Variants in GRIA1 observed in about 807,000 individuals in gnomAD.
GRIA1 encodes the protein glutamate ionotropic receptor AMPA type subunit 1.
GRIA1 carries 31 observed loss-of-function variants against 99.2 expected under a neutral mutation model. The observed-to-expected ratio is 0.31, with a 90% CI of 0.23 to 0.42. GRIA1 has a LOEUF of 0.42. Ranked by LOEUF, GRIA1 falls within the 10% of genes least tolerant of loss-of-function variation. The probability of loss-of-function intolerance (pLI) is 1.00; values close to 1 mark genes in which losing one functional copy is unlikely to be tolerated. For missense variants in GRIA1, 782 were observed against 1,157.5 expected (o/e 0.68, Z 4.71); for synonymous variants, 438 against 432.4 (o/e 1.01, Z -0.16).
intron 2 of GRIA1, among the ~76,000 whole-genome samples, chr5:153,638,173 T>C (rs1753522896): frequency 6.6e-6 from 1 of 152,190 alleles, no homozygotes; most frequent in Admixed American, 6.5e-5. Flanking sequence ...ATGGGAACCC[T>C]TCAAAGGGAT....
At chr5:153,601,421 T>C (rs2149398119) in intron 2 of GRIA1, among the ~76,000 whole-genome samples, 1 of 152,378 alleles carries the variant, frequency 6.6e-6, no homozygotes, top group African/African-American at 2.4e-5. Context: ...TGCTGTTTTA[T>C]AATCTCACTG....
At chr5:153,617,735 C>A (rs1006813993) in intron 2 of GRIA1, among the ~76,000 whole-genome samples, 1 of 152,174 alleles carries the variant, frequency 6.6e-6, no homozygotes, top group Non-Finnish European at 1.5e-5. Flanking sequence ...TTTATTATGA[C>A]CAACTAAAAA....
intron 11 of GRIA1, among the ~76,000 whole-genome samples, chr5:153,745,633 G>A (rs1762107046): frequency 6.7e-6 from 1 of 148,826 alleles, no homozygotes; most frequent in East Asian, 2.0e-4. Context: ...AGAAATTATA[G>A]GTATTCACTC....
chr5:153,578,922 A>G (rs942116068), intron 2 of GRIA1, among the ~76,000 whole-genome samples: 1 of 152,224 alleles, frequency 6.6e-6, no homozygotes, highest in East Asian at 1.9e-4. Context: ...ATAAATAAAT[A>G]AATAAATAAA....
At chr5:153,766,524 TG>T (rs1763528771) in intron 12 of GRIA1, among the ~76,000 whole-genome samples, 1 of 152,198 alleles carries the variant, frequency 6.6e-6, no homozygotes, top group South Asian at 2.1e-4. Flanking sequence ...AAGAGGTATT[TG>T]TGGCAGCCAC....
intron 2 of GRIA1, among the ~76,000 whole-genome samples, chr5:153,529,361 C>G (rs954638186): frequency 6.6e-5 from 10 of 152,154 alleles, no homozygotes; most frequent in Admixed American, 3.9e-4. Flanking sequence ...TTAAGGGACT[C>G]AGGTTCACAT....
At chr5:153,509,612 C>T (rs1755862080) in intron 2 of GRIA1, among the ~76,000 whole-genome samples, 3 of 152,106 alleles carry the variant, frequency 2.0e-5, no homozygotes, top group South Asian at 4.1e-4. Context: ...ATTTCCAGGG[C>T]AATACAATGG....
chr5:153,712,145 G>A lies in GRIA1; in HGVS notation c.1823+6078G>A, dbSNP rs528712972. Among the ~76,000 whole-genome samples, 12 of 152,198 alleles carry A rather than the reference G, an allele frequency of 7.9e-5. 1 individual carries two copies. The highest frequency in any genetic ancestry group is 2.4e-4 in the African/African-American group (10 of 41,530). ...CGGTTCACTGTAACCTCCACCTCCC[G>A]GGTTCAAGCAATTCTCATGCCTCAG... is the stretch of plus-strand genomic sequence containing the variant. On this transcript the variant is annotated intron_variant, in intron 11 of 15. Transcript: ENST00000285900.
chr5:153,705,345 G>T (rs1323941228), intron 10 of GRIA1, among the ~76,000 whole-genome samples: 1 of 152,154 alleles, frequency 6.6e-6, no homozygotes, highest in Non-Finnish European at 1.5e-5. Flanking sequence ...CAACCTGCAG[G>T]ATTGAGAGTG....
intron 2 of GRIA1, chr5:153,558,122 T>C (rs556626078): frequency 6.6e-6 from 1 of 152,324 alleles, no homozygotes; most frequent in South Asian, 2.1e-4. Context: ...TACATTACTA[T>C]GGCCAAGATA....
At chr5:153,649,440 T>TTTATTTATTTATTTAGTTAG (rs1554108110) in intron 3 of GRIA1, among the ~76,000 whole-genome samples, 1 of 146,798 alleles carries the variant, frequency 6.8e-6, no homozygotes, top group Admixed American at 6.7e-5. Context: ...TATTTATTTA[T>TTTATTTATTTATTTAGTTAG]TTAGTTAGTT....
intron 11 of GRIA1, among the ~76,000 whole-genome samples, chr5:153,760,595 A>G (rs1763116878): frequency 6.6e-6 from 1 of 152,158 alleles, no homozygotes; most frequent in South Asian, 2.1e-4. Context: ...AAATATCCAT[A>G]TCACCCAAAG....
intron 13 of GRIA1, among the ~76,000 whole-genome samples, chr5:153,775,704 A>G (rs1764184852): frequency 6.6e-6 from 1 of 151,270 alleles, no homozygotes; most frequent in Admixed American, 6.6e-5. Context: ...GAGCAGAATT[A>G]TGTAGATACC....
chr5:153,530,799 A>T (rs1483299167), intron 2 of GRIA1, among the ~76,000 whole-genome samples: 2 of 152,330 alleles, frequency 1.3e-5, no homozygotes, highest in African/African-American at 2.4e-5. Flanking sequence ...ATATGTCTGG[A>T]CTTGGAAGTA....
intron 13 of GRIA1, among the ~76,000 whole-genome samples, chr5:153,787,863 G>A (rs946677562): frequency 1.1e-4 from 16 of 152,094 alleles, no homozygotes; most frequent in African/African-American, 2.9e-4. Flanking sequence ...GGCAGATCAC[G>A]AGATCAGGAG....
intron 4 of GRIA1, among the ~76,000 whole-genome samples, chr5:153,654,614 C>T (rs1754805106): frequency 1.3e-5 from 2 of 152,122 alleles, no homozygotes; most frequent in Admixed American, 1.3e-4. Context: ...ATTGTGTGTG[C>T]TTGCATTTAA....
rs149220250 is a variant in GRIA1 at position 153,776,662 on chromosome 5, T to G, written c.2270+6247T>G. Among the ~76,000 whole-genome samples, 406 of 152,336 alleles carry G rather than the reference T, an allele frequency of 2.7e-3. 4 individuals are homozygous for G. The highest frequency in any genetic ancestry group is 9.6e-3 in the African/African-American group (398 of 41,576). On this transcript the variant is annotated intron_variant, in intron 13 of 15. Transcript: ENST00000285900. Reference sequence around the variant, plus strand: ...CTGGCATTCCCATTGAGTATATTTTTTTCTCTCTTCACACAACCCTGTGCT... The same window carrying G: ...CTGGCATTCCCATTGAGTATATTTTGTTCTCTCTTCACACAACCCTGTGCT...
intron 11 of GRIA1, among the ~76,000 whole-genome samples, chr5:153,713,408 G>T (rs1759459745): frequency 6.6e-6 from 1 of 152,242 alleles, no homozygotes; most frequent in Non-Finnish European, 1.5e-5. Context: ...CTGTGTGGGG[G>T]TGGCCCCCAT....
chr5:153,625,754 C>A (rs1028868125), intron 2 of GRIA1, among the ~76,000 whole-genome samples: 24 of 152,184 alleles, frequency 1.6e-4, no homozygotes, highest in Admixed American at 1.6e-3. Context: ...GTTTCTATAG[C>A]AACATTTACT....
Sources: gnomAD v4.1 joint callset for allele counts (sites outside exome capture counted in the v4.1 genomes callset) on GRCh38, gnomAD v4.1.1 for gene constraint, MANE v1.5 for transcripts, NCBI Gene and HGNC (gene_info 2026-07-23, HGNC 2026-07-21) for gene names.